The following AFAP1 variants were observed in gnomAD, a reference collection of about 807,000 sequenced individuals.
AFAP1 encodes the protein actin filament-associated protein 1.
In AFAP1, 75 loss-of-function variants were observed where a neutral mutation model predicts 93.9. That is an observed-to-expected ratio of 0.80 (90% CI 0.66 to 0.97). The LOEUF (loss-of-function observed/expected upper bound fraction) is 0.97, where lower values mean the gene tolerates loss of function less well. AFAP1 is among the 50% of genes least tolerant of loss of function. The pLI is 0.00. For synonymous variants in AFAP1, 517 were observed against 430.7 expected, an observed-to-expected ratio of 1.20 and a Z score of -2.48; for missense variants, 1,201 against 1,050.8, an observed-to-expected ratio of 1.14 and a Z score of -1.98.
chr4:7,824,378 C>T (rs560283645), intron 6 of AFAP1, among the ~76,000 whole-genome samples: 2 of 152,058 alleles, frequency 1.3e-5, no homozygotes, highest in South Asian at 4.2e-4. Context: ...TGGCTCTTGT[C>T]TTCTGTTTGA....
At position 7,834,128 on chromosome 4, in the gene AFAP1, C is replaced by CACACACACACACACACACACAT. The variant is rs756961714; in HGVS notation, c.726+4395_726+4396insATGTGTGTGTGTGTGTGTGTGT. 5.4e-4 allele frequency among the ~76,000 whole-genome samples: 64 copies of CACACACACACACACACACACAT among 119,482 alleles called. 2 individuals are homozygous for CACACACACACACACACACACAT. The highest frequency in any genetic ancestry group is 1.1e-3 in the African/African-American group (28 of 25,528). The allele number at this position is 119,482 out of a possible 152,430, so 78.4% of individuals were successfully genotyped here. On this transcript the variant is annotated intron_variant, in intron 6 of 17. Coordinates refer to ENST00000420658, the MANE Select transcript of AFAP1 (RefSeq NM_001134647.2). The stretch of plus-strand genomic sequence containing the variant: ...ACACACACACACACACACACACACA[C>CACACACACACACACACACACAT]ATATATACAATGGAATACTACTCAG...
intron 1 of AFAP1, among the ~76,000 whole-genome samples, chr4:7,917,192 T>C (rs538692096): frequency 6.6e-6 from 1 of 152,294 alleles, no homozygotes; most frequent in African/African-American, 2.4e-5. Context: ...AAATGCCCAC[T>C]GAAGGTGAGT....
intron 14 of AFAP1, chr4:7,776,602 G>A (rs529639556): frequency 3.0e-4 from 45 of 152,190 alleles, no homozygotes; most frequent in African/African-American, 6.5e-4. Context: ...TTCTTGCAAC[G>A]TAAGTTATCA....
chr4:7,821,228 T>C (rs181696887), intron 6 of AFAP1, among the ~76,000 whole-genome samples: 1 of 152,324 alleles, frequency 6.6e-6, no homozygotes, highest in Non-Finnish European at 1.5e-5. Flanking sequence ...AGTGTGAAGA[T>C]TACCTGTCTT....
chr4:7,887,777 G>C (rs2149203218), intron 1 of AFAP1, among the ~76,000 whole-genome samples: 1 of 152,138 alleles, frequency 6.6e-6, no homozygotes, highest in Middle Eastern at 3.4e-3. Flanking sequence ...GTACGATTAT[G>C]CTATTATAGT....
At chr4:7,803,322 G>C (rs1200686520) in intron 9 of AFAP1, among the ~76,000 whole-genome samples, 1 of 152,244 alleles carries the variant, frequency 6.6e-6, no homozygotes, top group Non-Finnish European at 1.5e-5. Context: ...TCAGGGCCCA[G>C]GCAACCCTTC....
At chr4:7,810,810 C>T (rs1476177810) in intron 8 of AFAP1, among the ~76,000 whole-genome samples, 2 of 152,188 alleles carry the variant, frequency 1.3e-5, no homozygotes, top group Non-Finnish European at 2.9e-5. Context: ...AGGGACAACA[C>T]GGGGCGGTTC....
chr4:7,939,332 G>A lies in AFAP1; in HGVS notation c.-3+324C>T. ...CCGCCCCACGAGTGGGTCTTCGCAG[G>A]GCCCCCTCTGACGCACACGGGGACC... On this transcript the variant is annotated intron_variant, in intron 1 of 17. Transcript: ENST00000420658. The surrounding 1 kb of genome is among the most constrained non-coding windows in gnomAD (Gnocchi z 5.6). 3.2e-6 allele frequency: 1 copy of A among 315,750 alleles called. No individual in the cohort carries two copies. Among genetic ancestry groups the A allele is most frequent in the Non-Finnish European group, 6.3e-6 (1 of 159,638 alleles). The allele number at this position is 315,750 out of a possible 1,614,324, so 19.6% of individuals were successfully genotyped here.
chr4:7,898,697 T>C (rs934670761), intron 1 of AFAP1, among the ~76,000 whole-genome samples: 1 of 149,462 alleles, frequency 6.7e-6, no homozygotes, highest in Non-Finnish European at 1.5e-5. Flanking sequence ...TGTGAACCCA[T>C]CCTGTCTTTC....
chr4:7,938,499 G>A (rs1020355541), intron 1 of AFAP1, among the ~76,000 whole-genome samples: 2 of 152,096 alleles, frequency 1.3e-5, no homozygotes, highest in African/African-American at 2.4e-5. Context: ...GAAATACAGC[G>A]TCTGAGGGGC....
intron 14 of AFAP1, chr4:7,777,774 A>C (rs1034599291): frequency 3.9e-5 from 6 of 152,094 alleles, no homozygotes; most frequent in African/African-American, 1.2e-4. Context: ...GCCCAGATGG[A>C]CTCAGGAGCC....
intron 16 of AFAP1, 44 bp downstream of exon 16, chr4:7,772,776 G>C (rs780048785): frequency 2.5e-6 from 4 of 1,586,596 alleles, no homozygotes; most frequent in Non-Finnish European, 3.4e-6. Context: ...CCTCGGCCAC[G>C]CAAGGCCGCG....
intron 8 of AFAP1, among the ~76,000 whole-genome samples, chr4:7,814,235 T>C (rs780808263): frequency 1.3e-5 from 2 of 152,226 alleles, no homozygotes. Context: ...CCAAAGAAGA[T>C]ATACTGATGG....
chr4:7,854,846 T>C (rs1199430261), intron 4 of AFAP1, among the ~76,000 whole-genome samples: 2 of 152,194 alleles, frequency 1.3e-5, no homozygotes, highest in Non-Finnish European at 2.9e-5. Context: ...AATTCAGAAA[T>C]GAATTCCGGA....
At chr4:7,777,115 TG>T (rs796178730) in intron 14 of AFAP1, 16 of 152,328 alleles carry the variant, frequency 1.1e-4, no homozygotes, top group African/African-American at 3.8e-4. Flanking sequence ...TGAGACTCCG[TG>T]GGACTCCGAT....
At chr4:7,875,142 C>T (rs1186019710) in intron 1 of AFAP1, among the ~76,000 whole-genome samples, 3 of 152,142 alleles carry the variant, frequency 2.0e-5, no homozygotes, top group African/African-American at 7.2e-5. Flanking sequence ...ATGATTCATG[C>T]AAAAAGCCTA....
intron 4 of AFAP1, among the ~76,000 whole-genome samples, chr4:7,851,738 T>C (rs868563900): frequency 1.3e-5 from 2 of 152,182 alleles, no homozygotes; most frequent in East Asian, 1.9e-4. Flanking sequence ...GTACCCTACC[T>C]GCCAACAGCA....
chr4:7,795,405 CTTTTTTTTTTTTTTTTTTTTT>C lies in AFAP1; in HGVS notation c.1267-1600_1267-1580del, dbSNP rs35550085. Among the ~76,000 whole-genome samples the C allele has an allele frequency of 8.6e-3, 534 of 62,132 alleles. 2 individuals carry two copies. Among genetic ancestry groups the C allele is most frequent in the Admixed American group, 0.015 (64 of 4,294 alleles). 40.8% of individuals were successfully genotyped at this position (62,132 alleles called of 152,430 possible). A position where few individuals can be genotyped will look rare whatever the true frequency, so the allele number is the denominator to read the frequency against. On this transcript the variant is annotated intron_variant, in intron 10 of 17. Coordinates refer to ENST00000420658, the MANE Select transcript of AFAP1 (RefSeq NM_001134647.2). Reference sequence around the variant, plus strand: ...TCTTATGTCCTTCCTAAAACAAAATCTTTTTTTTTTTTTTTTTTTTTTTTTTTTTTTTTTTTTTGAGACAGA... The same window carrying C: ...TCTTATGTCCTTCCTAAAACAAAATCTTTTTTTTTTTTTTTTTGAGACAGA...
intron 4 of AFAP1, among the ~76,000 whole-genome samples, chr4:7,847,793 C>CGGGGGGGGGG (rs10685949): frequency 3.9e-5 from 4 of 101,990 alleles, no homozygotes; most frequent in African/African-American, 1.4e-4. Context: ...CAGGGGTACT[C>CGGGGGGGGGG]GGGGTGGGGC....
Sources: gnomAD v4.1 joint callset for allele counts (sites outside exome capture counted in the v4.1 genomes callset) on GRCh38, gnomAD v4.1.1 for gene constraint, Gnocchi (gnomAD v3.1) non-coding constraint, MANE v1.5 for transcripts, NCBI Gene and HGNC (gene_info 2026-07-23, HGNC 2026-07-21) for gene names.